The following NBEA variants were observed in gnomAD, a reference collection of about 807,000 sequenced individuals.
The protein encoded by NBEA is lysosomal-trafficking regulator 2.
NBEA carries 44 observed loss-of-function variants against 343.4 expected under a neutral mutation model. The observed-to-expected ratio is 0.13, with a 90% CI of 0.10 to 0.16. The LOEUF (loss-of-function observed/expected upper bound fraction) is 0.16, where lower values mean the gene tolerates loss of function less well. NBEA is among the 10% of genes least tolerant of loss of function. The pLI, the probability that NBEA is intolerant of heterozygous loss-of-function variation, is 1.00. For synonymous variants in NBEA, 1,175 were observed against 1,238.7 expected (o/e 0.95, Z 1.08); for missense variants, 2,555 against 3,631.3 (o/e 0.70, Z 7.62).
intron 10 of NBEA, among the ~76,000 whole-genome samples, chr13:35,079,344 G>C (rs890904454): frequency 2.6e-5 from 4 of 152,066 alleles, no homozygotes; most frequent in African/African-American, 9.7e-5. Flanking sequence ...AAATGTAATG[G>C]TTACAAAAAT....
chr13:35,664,831 ACT>A (rs1228769382), intron 55 of NBEA, among the ~76,000 whole-genome samples: 1 of 152,090 alleles, frequency 6.6e-6, no homozygotes, highest in East Asian at 1.9e-4. Flanking sequence ...AGCCATTACC[ACT>A]CTCGTTACGT....
chr13:35,650,402 C>G (rs906551609), intron 52 of NBEA, among the ~76,000 whole-genome samples: 4 of 152,164 alleles, frequency 2.6e-5, no homozygotes, highest in African/African-American at 9.7e-5. Flanking sequence ...TTTCACACTT[C>G]ACATGTGTTT....
At position 35,151,983 on chromosome 13, in the gene NBEA, A is replaced by G. The variant is rs547764154; in HGVS notation, c.2446-3791A>G. On this transcript the variant is annotated intron_variant, in intron 18 of 58. Transcript: ENST00000379939. Reference sequence around the variant, plus strand: ...CTGCAGGCAAAACAAGTAGATTTTTATGTTTAATACACTTGTAAATCTCAG... The same window carrying G: ...CTGCAGGCAAAACAAGTAGATTTTTGTGTTTAATACACTTGTAAATCTCAG... 2.0e-5 allele frequency among the ~76,000 whole-genome samples: 3 copies of G among 152,232 alleles called. No homozygotes were observed. The East Asian group carries it at 5.8e-4, about 29-fold the overall frequency.
In NBEA at chr13:34,953,522, G is replaced by A. The variant is rs540486708; in HGVS notation, c.294+10408G>A. ...TAGCTCTTACCCCTATTTAAGTGAC[G>A]TCTTCCCTGATATTCCCCTAAAAGC... On this transcript the variant is annotated intron_variant, in intron 1 of 58. Transcript: ENST00000379939. 5.3e-5 allele frequency among the ~76,000 whole-genome samples: 8 copies of A among 152,152 alleles called. No homozygotes were observed. In the East Asian group the frequency reaches 1.2e-3, roughly 22 times the overall value.
intron 14 of NBEA, 46 bp downstream of exon 14, chr13:35,117,539 A>G: frequency 1.1e-6 from 1 of 951,386 alleles, no homozygotes; most frequent in Non-Finnish European, 1.4e-6. Flanking sequence ...ATTAGGTAGA[A>G]AGGAATTTCT....
intron 11 of NBEA, among the ~76,000 whole-genome samples, chr13:35,101,320 A>G (rs1336561194): frequency 6.6e-6 from 1 of 151,720 alleles, no homozygotes; most frequent in African/African-American, 2.4e-5. Flanking sequence ...TAAGAGTTCC[A>G]TTTTTTCCAC....
intron 38 of NBEA, among the ~76,000 whole-genome samples, chr13:35,428,859 A>T (rs1459175987): frequency 1.3e-5 from 2 of 152,144 alleles, no homozygotes; most frequent in African/African-American, 4.8e-5. Context: ...ACTTCCTGTA[A>T]CATTGCTTCA....
chr13:35,146,017 A>G (rs964911003), intron 18 of NBEA, among the ~76,000 whole-genome samples: 7 of 152,168 alleles, frequency 4.6e-5, no homozygotes, highest in Admixed American at 2.0e-4. Context: ...TTTTAAAGAG[A>G]TGATCACTAG....
At chr13:35,260,367 A>G (rs545326368) in intron 34 of NBEA, among the ~76,000 whole-genome samples, 3 of 152,378 alleles carry the variant, frequency 2.0e-5, no homozygotes, top group Admixed American at 2.0e-4. Flanking sequence ...TCCAATTATA[A>G]TCACTAGAAA....
At chr13:35,210,044 A>T (rs773436222) in intron 32 of NBEA, among the ~76,000 whole-genome samples, 1 of 152,118 alleles carries the variant, frequency 6.6e-6, no homozygotes, top group Non-Finnish European at 1.5e-5. Context: ...TATATACGTT[A>T]AAAGTGTAAA....
intron 38 of NBEA, among the ~76,000 whole-genome samples, chr13:35,386,367 C>G (rs2042244185): frequency 6.6e-6 from 1 of 152,140 alleles, no homozygotes; most frequent in South Asian, 2.1e-4. Context: ...TAAGTGTTCT[C>G]TGTCCCCAAA....
chr13:35,469,626 A>C (rs962173397), intron 40 of NBEA, among the ~76,000 whole-genome samples: 1 of 152,190 alleles, frequency 6.6e-6, no homozygotes. Flanking sequence ...CAATATTTCT[A>C]TGTGTGCCGA....
At chr13:35,524,224 G>T (rs916244715) in intron 41 of NBEA, among the ~76,000 whole-genome samples, 1 of 152,186 alleles carries the variant, frequency 6.6e-6, no homozygotes, top group African/African-American at 2.4e-5. Context: ...AGGAAGAGCT[G>T]TGCTACAGAC....
chr13:35,623,898 A>G (rs1486997291), intron 48 of NBEA, among the ~76,000 whole-genome samples: 1 of 152,190 alleles, frequency 6.6e-6, no homozygotes, highest in Non-Finnish European at 1.5e-5. Flanking sequence ...AAACATGGAA[A>G]GCTATCCAGC....
At position 35,112,799 on chromosome 13, in the gene NBEA, T is replaced by C. The variant is rs374764941; in HGVS notation, c.2002+1821T>C. On this transcript the variant is annotated intron_variant, in intron 13 of 58. Transcript: ENST00000379939. ...TACAGATATATACACATTTTTTTTC[T>C]GATTCGATTGGTAATAAATTGTAGA... 8.5e-5 allele frequency among the ~76,000 whole-genome samples: 13 copies of C among 152,288 alleles called. No homozygotes were observed. The East Asian group carries it at 2.3e-3, about 27-fold the overall frequency.
At chr13:35,154,674 C>T (rs186582711) in intron 18 of NBEA, among the ~76,000 whole-genome samples, 63 of 152,274 alleles carry the variant, frequency 4.1e-4, no homozygotes, top group Middle Eastern at 3.4e-3. Flanking sequence ...CAAAATCCTG[C>T]TCCCACATTT....
At chr13:35,502,557 G>A (rs958792) in intron 41 of NBEA, among the ~76,000 whole-genome samples, 95,977 of 150,606 alleles carry the variant, frequency 0.64, 30,704 homozygotes, top group Admixed American at 0.71. Flanking sequence ...TCTGCTTACC[G>A]TGTGGAAGCA....
At chr13:35,632,102 A>G (rs531325783) in intron 49 of NBEA, among the ~76,000 whole-genome samples, 5 of 152,150 alleles carry the variant, frequency 3.3e-5, no homozygotes, top group African/African-American at 1.2e-4. Context: ...ACTTTTTTTC[A>G]TAGATGAGCT....
intron 1 of NBEA, among the ~76,000 whole-genome samples, chr13:34,968,092 G>C (rs575224838): frequency 6.6e-6 from 1 of 152,084 alleles, no homozygotes; most frequent in African/African-American, 2.4e-5. Context: ...TACAATTACA[G>C]TTTTATTATA....
Sources: gnomAD v4.1 joint callset for allele counts (sites outside exome capture counted in the v4.1 genomes callset) on GRCh38, gnomAD v4.1.1 for gene constraint, MANE v1.5 for transcripts, NCBI Gene and HGNC (gene_info 2026-07-23, HGNC 2026-07-21) for gene names.